The following UNG variants were observed in gnomAD, a reference collection of about 807,000 sequenced individuals.
UNG encodes the protein uracil DNA glycosylase.
UNG carries 34 observed loss-of-function variants against 36.5 expected under a neutral mutation model. The observed-to-expected ratio is 0.93, with a 90% CI of 0.71 to 1.24. The LOEUF (loss-of-function observed/expected upper bound fraction) is 1.24, where lower values mean the gene tolerates loss of function less well. Among genes scored for constraint, UNG ranks in the 50% most tolerant of loss-of-function variants. The probability of loss-of-function intolerance (pLI) is 0.00; values close to 1 mark genes in which losing one functional copy is unlikely to be tolerated. For missense variants in UNG, 391 were observed against 397.6 expected (o/e 0.98, Z 0.14); for synonymous variants, 172 against 157.8 (o/e 1.09, Z -0.67).
chr12:109,103,341 G>C, intron 5 of UNG, 92 bp from the exon 6 acceptor site: 1 of 1,204,824 alleles, frequency 8.3e-7, no homozygotes, highest in Non-Finnish European at 1.2e-6. Flanking sequence ...ATCCCATCAA[G>C]CATTGGTTTC....
chr12:109,097,647 G>A lies in UNG; in HGVS notation c.-33G>A, dbSNP rs1177630330. 6.3e-7 allele frequency: 1 copy of A among 1,599,410 alleles called. No individual in the cohort carries two copies. The highest frequency in any genetic ancestry group is 8.5e-7 in the Non-Finnish European group (1 of 1,172,992). On this transcript the variant is annotated 5_prime_UTR_variant, in exon 1 of 7. In the 5' UTR this introduces an upstream ATG that the reference lacks. Transcript: ENST00000242576. ...CAGGGCTAGCCTCGCCGGTTCCCGG[G>A]TGGCGCGCGTTCGCTGCCTCCTCAG... is the stretch of plus-strand genomic sequence containing the variant.
intron 3 of UNG, among the ~76,000 whole-genome samples, chr12:109,100,810 T>C (rs1040907858): frequency 2.6e-5 from 4 of 152,210 alleles, no homozygotes; most frequent in Non-Finnish European, 4.4e-5. Context: ...CTCCTGGTCA[T>C]GGAACATCTG....
chr12:109,102,079 T>A, intron 4 of UNG, 80 bp downstream of exon 4: 1 of 1,278,768 alleles, frequency 7.8e-7, no homozygotes, highest in Non-Finnish European at 1.1e-6. Context: ...AGTGGGACTA[T>A]CTGGGGCACT....
intron 2 of UNG, among the ~76,000 whole-genome samples, chr12:109,098,892 G>A (rs1593319171): frequency 5.3e-5 from 8 of 152,140 alleles, no homozygotes; most frequent in Admixed American, 4.6e-4. Context: ...TCCAGGAAAG[G>A]CTGGCGTAGT....
In UNG at chr12:109,103,522, G is replaced by C; in HGVS notation, c.712G>C (p.Val238Leu). ...AGGCTGGGAGCAGTTCACTGATGCA[G>C]TTGTGTCCTGGCTAAATCAGAACTC... The part of the protein sequence containing the change: ...ERGWEQFTDA[V>L]VSWLNQNSNG... The change falls in exon 6 of 7, where the codon GTT becomes CTT. Residue 238 changes from valine to leucine, a missense_variant. Coordinates refer to ENST00000242576, the MANE Select transcript of UNG (RefSeq NM_080911.3). The C allele has an allele frequency of 1.2e-6, 2 of 1,614,198 alleles. No homozygotes were observed. The highest frequency in any genetic ancestry group is 1.7e-6 in the Non-Finnish European group (2 of 1,180,050).
At chr12:109,106,402 G>A (rs915445038) in intron 6 of UNG, among the ~76,000 whole-genome samples, 2 of 152,042 alleles carry the variant, frequency 1.3e-5, no homozygotes, top group African/African-American at 2.4e-5. Context: ...CTCCTGGACT[G>A]AGCCCCTTGA....
rs2042248245 is a variant in UNG, at chr12:109,109,900, A to G, written c.873A>G (p.Arg291=). Residue 291 remains arginine, a synonymous_variant, in exon 7 of 7, where the codon AGA becomes AGG. Coordinates refer to ENST00000242576, the MANE Select transcript of UNG (RefSeq NM_080911.3). ...LSVYRGFFGC[R]HFSKTNELLQ... is the part of the protein sequence containing the mutation. ...TGTATAGAGGGTTCTTTGGATGTAG[A>G]CACTTTTCAAAGACCAATGAGCTGC... 1.2e-6 allele frequency: 2 copies of G among 1,614,004 alleles called. No homozygotes were observed. The highest frequency in any genetic ancestry group is 1.1e-5 in the South Asian group (1 of 91,086).
chr12:109,105,100 G>T (rs977770511), intron 6 of UNG: 1 of 152,140 alleles, frequency 6.6e-6, no homozygotes, highest in Admixed American at 6.5e-5. Flanking sequence ...TTTTAGTAGA[G>T]ACTGGGTTTC....
intron 6 of UNG, among the ~76,000 whole-genome samples, chr12:109,107,103 G>T (rs1005296057): frequency 6.6e-6 from 1 of 150,758 alleles, no homozygotes; most frequent in African/African-American, 2.4e-5. Context: ...TATCCCATTT[G>T]GGTTTGTGTA....
intron 2 of UNG, 70 bp downstream of exon 2, chr12:109,098,708 A>C: frequency 6.2e-7 from 1 of 1,601,208 alleles, no homozygotes; most frequent in Non-Finnish European, 8.5e-7. Context: ...TTGTTAGTGT[A>C]GCCGGCCAAG....
At chr12:109,101,820 T>C in intron 3 of UNG, 82 bp from the exon 4 acceptor site, 5 of 1,221,134 alleles carry the variant, frequency 4.1e-6, no homozygotes, top group Non-Finnish European at 6.0e-6. Flanking sequence ...GTTTTATTTG[T>C]TTTGTTTATG....
rs754725952 is a variant in UNG at position 109,103,414 on chromosome 12, G to A, written c.623-19G>A. 2 of 1,613,574 alleles carry A rather than the reference G, an allele frequency of 1.2e-6. No individual in the cohort carries two copies. Among genetic ancestry groups the A allele is most frequent in the African/African-American group, 1.3e-5 (1 of 75,006 alleles). On this transcript the variant is annotated intron_variant, in intron 5 of 6. Transcript: ENST00000242576. Reference sequence around the variant, plus strand: ...ATTTGCCTGAGCCTACATTTAACCTGTTTCTCTCATGTGTATAGGTGTTCT... The same window carrying A: ...ATTTGCCTGAGCCTACATTTAACCTATTTCTCTCATGTGTATAGGTGTTCT...
At chr12:109,101,815 ATTTGT>A in intron 3 of UNG, 82 bp from the exon 4 acceptor site, 2 of 1,156,828 alleles carry the variant, frequency 1.7e-6, no homozygotes, top group Non-Finnish European at 2.6e-6. Flanking sequence ...GAAGTGTTTT[ATTTGT>A]TTTGTTTATG....
At chr12:109,103,639 CTTTTTTTTTT>C (rs1566122087) in intron 6 of UNG, 28 bp downstream of exon 6, 16 of 1,382,898 alleles carry the variant, frequency 1.2e-5, no homozygotes, top group Non-Finnish European at 1.5e-5. Flanking sequence ...TCTTTTTTTT[CTTTTTTTTTT>C]AACACTATAA....
intron 6 of UNG, 127 bp from the exon 7 acceptor site, chr12:109,109,702 G>T: frequency 8.3e-7 from 1 of 1,197,622 alleles, no homozygotes; most frequent in Non-Finnish European, 1.2e-6. Flanking sequence ...AGAATCGCTT[G>T]AACCCGGGAG....
Position 109,097,712 on chromosome 12 carries a change from C to A in UNG, c.33C>A (p.Phe11Leu), listed in dbSNP as rs1184960394. 13 of 1,596,864 alleles carry A rather than the reference C, an allele frequency of 8.1e-6. No homozygotes were observed. Among genetic ancestry groups the A allele is most frequent in the Admixed American group, 1.7e-5 (1 of 58,298 alleles). Residue 11 changes from phenylalanine to leucine, a missense_variant, in exon 1 of 7, where the codon TTC becomes TTA. Phe to Leu is a conservative substitution (Grantham distance 22). Transcript: ENST00000242576. The part of the protein sequence containing the change: MIGQKTLYSF[F>L]SPSPARKRHA... The stretch of plus-strand genomic sequence containing the variant: ...GCCAGAAGACGCTCTACTCCTTTTT[C>A]TCCCCCAGCCCCGCCAGGAAGCGAC...
rs373929934 is a variant in UNG, at chr12:109,098,649, A to C, written c.339+11A>C. 3.5e-5 allele frequency: 57 copies of C among 1,613,228 alleles called. No individual in the cohort carries two copies. The Middle Eastern group carries it at 6.6e-4, about 19-fold the overall frequency. ...CCGTATTTTATCAAGGTAAATATGG[A>C]AATGCACCTTCCATAAGGGTAAATG... On this transcript the variant is annotated intron_variant, in intron 2 of 6. Transcript: ENST00000242576.
chr12:109,103,147 G>A (rs1018536388), intron 5 of UNG, among the ~76,000 whole-genome samples: 21 of 151,952 alleles, frequency 1.4e-4, no homozygotes, highest in African/African-American at 4.3e-4. Context: ...GTAGAGACAG[G>A]GTTTCACCAT....
At chr12:109,104,119 G>C (rs1411588990) in intron 6 of UNG, among the ~76,000 whole-genome samples, 1 of 151,078 alleles carries the variant, frequency 6.6e-6, no homozygotes, top group Non-Finnish European at 1.5e-5. Context: ...TATGATTTTG[G>C]CTCACTGCAA....
Sources: allele counts gnomAD v4.1 joint callset (sites outside exome capture counted in the v4.1 genomes callset), GRCh38; gene constraint gnomAD v4.1.1; transcripts MANE v1.5; gene names NCBI Gene and HGNC (gene_info 2026-07-23, HGNC 2026-07-21).